IP6K1: variants seen among roughly 807,000 people sequenced by gnomAD.
IP6K1 encodes the protein ATP:1D-myo-inositol-hexakisphosphate phosphotransferase.
In IP6K1, 13 loss-of-function variants were observed where a neutral mutation model predicts 38.3. The observed-to-expected ratio is 0.34, with a 90% confidence interval of 0.22 to 0.54. The LOEUF (loss-of-function observed/expected upper bound fraction) is 0.54, where lower values mean the gene tolerates loss of function less well. IP6K1 is among the 20% of genes least tolerant of loss of function. The pLI is 0.92. For missense variants in IP6K1, 397 were observed against 599.8 expected (o/e 0.66, Z 3.53); for synonymous variants, 212 against 229.9 (o/e 0.92, Z 0.70).
chr3:49,783,723 AAAAAG>A (rs1377596280), intron 1 of IP6K1, among the ~76,000 whole-genome samples: 19 of 151,982 alleles, frequency 1.3e-4, no homozygotes, highest in South Asian at 4.2e-4. Context: ...AAAAAAAAAA[AAAAAG>A]AAAGAAAGAA....
chr3:49,745,945 C>T (rs2080717700), intron 2 of IP6K1, among the ~76,000 whole-genome samples: 1 of 151,186 alleles, frequency 6.6e-6, no homozygotes, highest in African/African-American at 2.4e-5. Context: ...TACCAACAGA[C>T]AATAACAAAA....
At chr3:49,771,883 T>C (rs911585690) in intron 1 of IP6K1, among the ~76,000 whole-genome samples, 2 of 152,130 alleles carry the variant, frequency 1.3e-5, no homozygotes, top group Admixed American at 6.6e-5. Flanking sequence ...GACAACAGCA[T>C]GTATAAATTA....
chr3:49,728,061 A>T, intron 5 of IP6K1, 42 bp downstream of exon 5: 1 of 1,581,336 alleles, frequency 6.3e-7, no homozygotes, highest in Admixed American at 1.7e-5. Context: ...AACCCAAATC[A>T]TGCAAGTGGC....
chr3:49,742,482 G>A lies in IP6K1; in HGVS notation c.224-4060C>T, dbSNP rs538575857. On this transcript the variant is annotated intron_variant, in intron 2 of 5. Transcript: ENST00000321599. ...GAGAATGGCGTGAGCCCGGGAGGCA[G>A]AGCTTGCAGTGAGCCAAGATCGCGC... Among the ~76,000 whole-genome samples, 60 of 152,254 alleles carry A rather than the reference G, an allele frequency of 3.9e-4. No individual in the cohort carries two copies. The South Asian group carries it at 6.4e-3, about 16-fold the overall frequency.
At chr3:49,782,234 A>G (rs1313006546) in intron 1 of IP6K1, among the ~76,000 whole-genome samples, 1 of 151,704 alleles carries the variant, frequency 6.6e-6, no homozygotes, top group Non-Finnish European at 1.5e-5. Flanking sequence ...GCAGTGGCGC[A>G]ATCTCGGCTC....
At chr3:49,785,492 CGA>C (rs1357507500) in intron 1 of IP6K1, 1 of 151,928 alleles carries the variant, frequency 6.6e-6, no homozygotes, top group Non-Finnish European at 1.5e-5. Flanking sequence ...GGCAACAGAG[CGA>C]GAGACTCTGT....
intron 1 of IP6K1, among the ~76,000 whole-genome samples, chr3:49,757,017 T>C (rs2080829594): frequency 6.6e-6 from 1 of 152,098 alleles, no homozygotes; most frequent in Non-Finnish European, 1.5e-5. Flanking sequence ...TGGTCAAATC[T>C]AGAAAGCACA....
chr3:49,752,486 C>G (rs1262198816), intron 1 of IP6K1, among the ~76,000 whole-genome samples: 2 of 101,058 alleles, frequency 2.0e-5, no homozygotes, highest in Non-Finnish European at 4.1e-5. Flanking sequence ...AAGACTCCAT[C>G]TCAAAAAAAA....
chr3:49,784,631 C>A (rs1255781575), intron 1 of IP6K1, among the ~76,000 whole-genome samples: 1 of 137,992 alleles, frequency 7.2e-6, no homozygotes, highest in Non-Finnish European at 1.5e-5. Flanking sequence ...GGTGAGAGAA[C>A]GAGACTTCGT....
In IP6K1 at chr3:49,780,309, T is replaced by TAAACACACACACACACACACACACAC. The variant is rs1553697560; in HGVS notation, c.-129+6044_-129+6045insGTGTGTGTGTGTGTGTGTGTGTGTTT. Among the ~76,000 whole-genome samples the TAAACACACACACACACACACACACAC allele has an allele frequency of 2.6e-5, 3 of 117,616 alleles. No homozygotes were observed. The East Asian group carries it at 1.0e-3, about 40-fold the overall frequency. 77.2% of individuals were successfully genotyped at this position (117,616 alleles called of 152,430 possible). A position where few individuals can be genotyped will look rare whatever the true frequency, so the allele number is the denominator to read the frequency against. ...ACACGAGAATCTTTATCATCTTTCATACACACACACACACACACACACACA... is the reference window on the plus strand; with the variant it reads ...ACACGAGAATCTTTATCATCTTTCATAAACACACACACACACACACACACACACACACACACACACACACACACACA... On this transcript the variant is annotated intron_variant, in intron 1 of 5. Transcript: ENST00000321599.
rs2080631948 is a variant in IP6K1 at position 49,738,221 on chromosome 3, G to A, written c.425C>T (p.Thr142Ile). The change falls in exon 3 of 6, where the codon ACC becomes ATC. Residue 142 changes from threonine (T) to isoleucine (I), a missense_variant. Physicochemically the swap from Thr to Ile is moderately conservative, Grantham distance 89. Transcript: ENST00000321599. ...AACATGTACCTCTTACCTCTCAGAG[G>A]TCTCAAGGGACAGGCTGGCTTTCTC... ...KEEKASLSLE[T>I]SESSQEAKSP... 1 of 1,613,782 alleles carries A rather than the reference G, an allele frequency of 6.2e-7. No homozygotes were observed. The highest frequency in any genetic ancestry group is 8.5e-7 in the Non-Finnish European group (1 of 1,179,654).
intron 3 of IP6K1, among the ~76,000 whole-genome samples, chr3:49,736,108 G>A (rs2080608973): frequency 6.6e-6 from 1 of 152,128 alleles, no homozygotes; most frequent in Non-Finnish European, 1.5e-5. Context: ...TAGAGATGGA[G>A]TTTCACCATG....
intron 1 of IP6K1, among the ~76,000 whole-genome samples, chr3:49,778,180 C>T (rs778307887): frequency 2.0e-5 from 3 of 151,538 alleles, no homozygotes; most frequent in Non-Finnish European, 4.4e-5. Flanking sequence ...AAAAATTAGC[C>T]GAGCGTGCTG....
At chr3:49,737,071 CTTT>C (rs527723899) in intron 3 of IP6K1, among the ~76,000 whole-genome samples, 4 of 113,022 alleles carry the variant, frequency 3.5e-5, no homozygotes, top group Non-Finnish European at 5.5e-5. Context: ...CAAGCCTGGC[CTTT>C]TTTTTTTTTT....
At chr3:49,728,310 A>G in intron 4 of IP6K1, 32 bp from the exon 5 acceptor site, 1 of 1,599,934 alleles carries the variant, frequency 6.3e-7, no homozygotes, top group Non-Finnish European at 8.6e-7. Context: ...TGACAACCAC[A>G]CTCACCATCA....
chr3:49,782,754 T>A (rs1026620042), intron 1 of IP6K1, among the ~76,000 whole-genome samples: 2 of 151,618 alleles, frequency 1.3e-5, no homozygotes, highest in South Asian at 4.2e-4. Context: ...GAGGCTGCAG[T>A]GAGCTACAAT....
At chr3:49,741,745 T>C (rs2080670891) in intron 2 of IP6K1, among the ~76,000 whole-genome samples, 1 of 152,212 alleles carries the variant, frequency 6.6e-6, no homozygotes, top group Non-Finnish European at 1.5e-5. Context: ...AATAAAACTA[T>C]AGGCCCTGTC....
rs1231460532 is a variant in IP6K1, at chr3:49,725,830, T to C, written c.*1292A>G. The C allele has an allele frequency of 1.3e-5, 2 of 152,546 alleles. No individual in the cohort carries two copies. The highest frequency in any genetic ancestry group is 3.4e-3 in the Middle Eastern group (1 of 294). The allele number at this position is 152,546 out of a possible 1,614,324, so 9.4% of individuals were successfully genotyped here. A position where few individuals can be genotyped will look rare whatever the true frequency, so the allele number is the denominator to read the frequency against. On this transcript the variant is annotated 3_prime_UTR_variant, in exon 6 of 6. Transcript: ENST00000321599. ...TATTCTAGGCCCACAGAAATGGTGC[T>C]GGGTCAACAGGGAAACACCAATTTA... is the stretch of plus-strand genomic sequence containing the variant.
chr3:49,728,043 A>C, intron 5 of IP6K1, 60 bp downstream of exon 5: 1 of 1,537,526 alleles, frequency 6.5e-7, no homozygotes, highest in Non-Finnish European at 8.9e-7. Flanking sequence ...GCAGGCAGGT[A>C]TGAGCACAAC....
Sources: allele counts gnomAD v4.1 joint callset (sites outside exome capture counted in the v4.1 genomes callset), GRCh38; gene constraint gnomAD v4.1.1; transcripts MANE v1.5; gene names NCBI Gene and HGNC (gene_info 2026-07-23, HGNC 2026-07-21).